Variants in COL11A1 observed in about 807,000 individuals in gnomAD.
COL11A1 encodes collagen alpha-1(XI) chain.
Under a neutral mutation model 265.2 loss-of-function variants are expected in COL11A1, and 74 were observed. The observed-to-expected ratio is 0.28, with a 90% CI of 0.23 to 0.34. COL11A1 has a LOEUF of 0.34. COL11A1 is among the 10% of genes least tolerant of loss of function. The pLI is 1.00. For missense variants in COL11A1, 2,165 were observed against 2,263.6 expected, an observed-to-expected ratio of 0.96 and a Z score of 0.88; for synonymous variants, 816 against 727.6, an observed-to-expected ratio of 1.12 and a Z score of -1.96.
intron 4 of COL11A1, among the ~76,000 whole-genome samples, chr1:103,065,547 A>AAAG (rs1671058096): frequency 1.9e-5 from 2 of 104,952 alleles, no homozygotes; most frequent in South Asian, 7.3e-4. Context: ...AAAAAAAAAA[A>AAAG]GAAAGCAAAC....
chr1:102,957,329 C>T (rs954270343), intron 41 of COL11A1, among the ~76,000 whole-genome samples: 1 of 152,040 alleles, frequency 6.6e-6, no homozygotes, highest in Non-Finnish European at 1.5e-5. Flanking sequence ...GCATAAGCTA[C>T]ATAATTGGGA....
At chr1:103,071,892 T>C (rs890552407) in intron 4 of COL11A1, among the ~76,000 whole-genome samples, 31 of 149,492 alleles carry the variant, frequency 2.1e-4, no homozygotes, top group Non-Finnish European at 1.5e-5. Flanking sequence ...TATATATATA[T>C]TTATACTAGT....
intron 4 of COL11A1, among the ~76,000 whole-genome samples, chr1:103,063,882 TA>T (rs1670866087): frequency 6.6e-6 from 1 of 152,158 alleles, no homozygotes; most frequent in South Asian, 2.1e-4. Flanking sequence ...CAATCTGACT[TA>T]AAAATGCACA....
At chr1:102,957,801 C>T (rs1427507019) in intron 41 of COL11A1, among the ~76,000 whole-genome samples, 1 of 151,840 alleles carries the variant, frequency 6.6e-6, no homozygotes, top group Non-Finnish European at 1.5e-5. Flanking sequence ...CTCTATACTT[C>T]TTCAAGCCTC....
At chr1:103,017,187 C>T (rs562616378) in intron 11 of COL11A1, among the ~76,000 whole-genome samples, 168 of 152,140 alleles carry the variant, frequency 1.1e-3, no homozygotes, top group African/African-American at 3.9e-3. Flanking sequence ...ATAGCTGTTA[C>T]TCAGTCCAGA....
At chr1:103,028,522 T>C (rs1303639821) in intron 5 of COL11A1, among the ~76,000 whole-genome samples, 2 of 152,158 alleles carry the variant, frequency 1.3e-5, no homozygotes, top group Non-Finnish European at 2.9e-5. Context: ...ATTCTAAGGA[T>C]GGCTTGAGAC....
chr1:102,892,758 A>G (rs982871836), intron 57 of COL11A1, among the ~76,000 whole-genome samples: 1 of 152,168 alleles, frequency 6.6e-6, no homozygotes, highest in Non-Finnish European at 1.5e-5. Context: ...TTTTTAATTC[A>G]TAACTGAATT....
chr1:103,067,131 A>T (rs13375103), intron 4 of COL11A1, among the ~76,000 whole-genome samples: 5,245 of 152,074 alleles, frequency 0.034, 324 homozygotes, highest in African/African-American at 0.12. Flanking sequence ...AAAAATAAGA[A>T]ATATAAGGAA....
intron 28 of COL11A1, 76 bp downstream of exon 28, chr1:102,995,788 T>C (rs1664564059): frequency 8.1e-7 from 1 of 1,241,600 alleles, no homozygotes; most frequent in African/African-American, 1.5e-5. Flanking sequence ...ATTCAAGAAA[T>C]AAAATGTCTG....
chr1:102,891,556 C>T (rs900877146), intron 57 of COL11A1, among the ~76,000 whole-genome samples: 19 of 151,850 alleles, frequency 1.3e-4, no homozygotes, highest in South Asian at 8.3e-4. Flanking sequence ...TGATGACTTT[C>T]GAACAAACTG....
In COL11A1 at chr1:103,108,210, A is replaced by C; in HGVS notation, c.-32T>G. On this transcript the variant is annotated 5_prime_UTR_variant, in exon 1 of 67. Transcript: ENST00000370096. ...GCCCCGCACTCACAACTGTGAACTCAACCCACGAAATTGCGACTGCAGACC... is the reference window on the plus strand; with the variant it reads ...GCCCCGCACTCACAACTGTGAACTCCACCCACGAAATTGCGACTGCAGACC... 4.9e-5 allele frequency: 77 copies of C among 1,585,480 alleles called. No homozygotes were observed. Among genetic ancestry groups the C allele is most frequent in the South Asian group, 5.5e-5 (5 of 90,234 alleles).
At chr1:103,079,788 G>A (rs1672254847) in intron 2 of COL11A1, among the ~76,000 whole-genome samples, 2 of 151,910 alleles carry the variant, frequency 1.3e-5, no homozygotes, top group Admixed American at 1.3e-4. Flanking sequence ...CATTGTGTAT[G>A]TGCATGTGTA....
chr1:102,932,863 C>T (rs1017342623), intron 46 of COL11A1, among the ~76,000 whole-genome samples: 14 of 151,854 alleles, frequency 9.2e-5, no homozygotes, highest in Admixed American at 3.9e-4. Flanking sequence ...CGCTGATACC[C>T]TTTCTTCCAG....
intron 14 of COL11A1, among the ~76,000 whole-genome samples, chr1:103,009,885 G>T (rs12077343): frequency 9.7e-4 from 148 of 152,128 alleles, no homozygotes; most frequent in African/African-American, 3.5e-3. Context: ...ATAAACTTCT[G>T]CAAGAAAAAA....
At chr1:102,951,299 T>G (rs548293221) in intron 41 of COL11A1, among the ~76,000 whole-genome samples, 1 of 152,356 alleles carries the variant, frequency 6.6e-6, no homozygotes, top group Non-Finnish European at 1.5e-5. Context: ...TCTCCATGTC[T>G]CTTAATTCAT....
intron 4 of COL11A1, among the ~76,000 whole-genome samples, chr1:103,032,192 A>T (rs950275531): frequency 6.6e-6 from 1 of 152,162 alleles, no homozygotes; most frequent in Non-Finnish European, 1.5e-5. Flanking sequence ...GTTTGAGCAC[A>T]TAAATCTGAT....
At chr1:102,953,113 T>G (rs1322442479) in intron 41 of COL11A1, among the ~76,000 whole-genome samples, 2 of 152,232 alleles carry the variant, frequency 1.3e-5, no homozygotes, top group Non-Finnish European at 2.9e-5. Flanking sequence ...ATTTTTGTAT[T>G]GCTGTATAGC....
chr1:103,071,849 T>A (rs1257698677), intron 4 of COL11A1, among the ~76,000 whole-genome samples: 1 of 121,444 alleles, frequency 8.2e-6, no homozygotes, highest in African/African-American at 3.1e-5. Context: ...TACAACCACA[T>A]TTATATTACA....
chr1:102,999,267 T>C (rs1361651484), intron 24 of COL11A1, among the ~76,000 whole-genome samples: 1 of 151,886 alleles, frequency 6.6e-6, no homozygotes, highest in African/African-American at 2.4e-5. Flanking sequence ...TACAAGAAAA[T>C]TTCAACCAAA....
Sources: gnomAD v4.1 joint callset for allele counts (sites outside exome capture counted in the v4.1 genomes callset) on GRCh38, gnomAD v4.1.1 for gene constraint, MANE v1.5 for transcripts, NCBI Gene and HGNC (gene_info 2026-07-23, HGNC 2026-07-21) for gene names.